Variants in DCC observed in about 807,000 individuals in gnomAD.
DCC encodes DCC netrin 1 receptor, also known as netrin receptor DCC.
DCC carries 58 observed loss-of-function variants against 172.5 expected under a neutral mutation model. The observed-to-expected ratio is 0.34, with a 90% CI of 0.27 to 0.42. The LOEUF is 0.42. Among genes scored for constraint, DCC ranks in the 10% least tolerant of loss-of-function variants. DCC has a pLI of 1.00. For missense variants in DCC, 1,740 were observed against 1,791.0 expected, an observed-to-expected ratio of 0.97 and a Z score of 0.51; for synonymous variants, 709 against 644.5, an observed-to-expected ratio of 1.10 and a Z score of -1.52.
At chr18:53,017,628 A>C (rs904075544) in intron 5 of DCC, among the ~76,000 whole-genome samples, 3 of 152,206 alleles carry the variant, frequency 2.0e-5, no homozygotes, top group East Asian at 3.9e-4. Context: ...ACAATGGTCC[A>C]TAAAGTTATG....
chr18:53,300,451 G>A (rs1461389322), intron 12 of DCC, among the ~76,000 whole-genome samples: 5 of 152,140 alleles, frequency 3.3e-5, no homozygotes, highest in Admixed American at 3.3e-4. Flanking sequence ...TGTTTAAAAT[G>A]ATCCCAGAGT....
intron 1 of DCC, among the ~76,000 whole-genome samples, chr18:52,568,834 T>C (rs2144754484): frequency 6.6e-6 from 1 of 152,316 alleles, no homozygotes. Context: ...TTTAAATGCC[T>C]AAGTTTAAAT....
At chr18:53,107,244 T>A (rs1482602150) in intron 7 of DCC, among the ~76,000 whole-genome samples, 2 of 151,694 alleles carry the variant, frequency 1.3e-5, no homozygotes, top group Non-Finnish European at 2.9e-5. Flanking sequence ...GAGATCAAAG[T>A]TGTGTCAAGA....
chr18:53,203,656 C>T (rs1308539431), intron 9 of DCC, among the ~76,000 whole-genome samples: 3 of 152,144 alleles, frequency 2.0e-5, no homozygotes, highest in East Asian at 1.9e-4. Flanking sequence ...AGTGTATCAA[C>T]AGATTCATGC....
At chr18:53,395,698 A>C (rs1269475238) in intron 17 of DCC, among the ~76,000 whole-genome samples, 1 of 152,162 alleles carries the variant, frequency 6.6e-6, no homozygotes, top group Non-Finnish European at 1.5e-5. Context: ...GCTGGAGTGC[A>C]ATGGCCTGAT....
intron 2 of DCC, among the ~76,000 whole-genome samples, chr18:52,884,647 A>G (rs2039543271): frequency 6.6e-6 from 1 of 152,122 alleles, no homozygotes; most frequent in South Asian, 2.1e-4. Flanking sequence ...ACTATTTTGA[A>G]TTCTCTGTCT....
intron 7 of DCC, among the ~76,000 whole-genome samples, chr18:53,093,656 T>A (rs1188946002): frequency 2.0e-5 from 3 of 152,226 alleles, no homozygotes; most frequent in Non-Finnish European, 4.4e-5. Flanking sequence ...TATCTTCTCA[T>A]CAATAGTGAA....
chr18:53,095,584 T>C (rs1395837444), intron 7 of DCC, among the ~76,000 whole-genome samples: 5 of 152,138 alleles, frequency 3.3e-5, no homozygotes, highest in African/African-American at 2.4e-5. Context: ...TCATGGCCCC[T>C]TCCTTATATT....
intron 2 of DCC, among the ~76,000 whole-genome samples, chr18:52,758,393 A>G (rs1414982544): frequency 1.3e-5 from 2 of 152,214 alleles, no homozygotes; most frequent in African/African-American, 4.8e-5. Context: ...TATTTCATTC[A>G]GGGACATATT....
chr18:53,181,526 T>C (rs1246287457), intron 9 of DCC, among the ~76,000 whole-genome samples: 1 of 151,656 alleles, frequency 6.6e-6, no homozygotes, highest in Non-Finnish European at 1.5e-5. Flanking sequence ...ATAAAAACTA[T>C]GATAAAATGA....
chr18:53,036,196 C>A (rs1193399868), intron 5 of DCC, among the ~76,000 whole-genome samples: 4 of 152,092 alleles, frequency 2.6e-5, no homozygotes, highest in South Asian at 2.1e-4. Flanking sequence ...TTCTAAAAAT[C>A]TTTTCCCAAG....
intron 15 of DCC, among the ~76,000 whole-genome samples, chr18:53,346,383 C>G (rs781315131): frequency 2.6e-5 from 4 of 152,030 alleles, no homozygotes; most frequent in Non-Finnish European, 4.4e-5. Flanking sequence ...CACTATTCAC[C>G]ACATTCCCTC....
In DCC at chr18:53,365,898, A is replaced by G. The variant is rs180682271; in HGVS notation, c.2360-20145A>G. On this transcript the variant is annotated intron_variant, in intron 15 of 28. Transcript: ENST00000442544. ...CAAAGCTCTAGTCATTACAGATTTTATGTTCTCGTTTACAGAGGAAGAGCT... is the reference window on the plus strand; with the variant it reads ...CAAAGCTCTAGTCATTACAGATTTTGTGTTCTCGTTTACAGAGGAAGAGCT... Among the ~76,000 whole-genome samples, 194 of 152,296 alleles carry G rather than the reference A, an allele frequency of 1.3e-3. 1 individual carries two copies. The highest frequency in any genetic ancestry group is 7.9e-3 in the South Asian group (38 of 4,832).
chr18:53,332,414 G>C (rs1452444252), intron 14 of DCC, among the ~76,000 whole-genome samples: 2 of 151,934 alleles, frequency 1.3e-5, no homozygotes, highest in African/African-American at 2.4e-5. Context: ...GTAAAAACTT[G>C]TGGTAGTAAC....
chr18:53,287,594 A>G (rs980922931), intron 12 of DCC, among the ~76,000 whole-genome samples: 1 of 152,162 alleles, frequency 6.6e-6, no homozygotes, highest in Non-Finnish European at 1.5e-5. Context: ...ATCAATTTAC[A>G]TTCCCACAAG....
intron 9 of DCC, among the ~76,000 whole-genome samples, chr18:53,195,291 G>A (rs1474634393): frequency 6.6e-6 from 1 of 152,156 alleles, no homozygotes; most frequent in Non-Finnish European, 1.5e-5. Context: ...TTGAAAATTA[G>A]AGTTCTGTGA....
intron 2 of DCC, among the ~76,000 whole-genome samples, chr18:52,845,158 A>G (rs548833518): frequency 3.9e-4 from 59 of 152,342 alleles, no homozygotes; most frequent in African/African-American, 1.4e-3. Flanking sequence ...GTTTAAAAGC[A>G]GCCCTTAGGA....
chr18:53,466,669 G>A (rs2045625216), intron 24 of DCC, among the ~76,000 whole-genome samples: 1 of 152,228 alleles, frequency 6.6e-6, no homozygotes, highest in South Asian at 2.1e-4. Flanking sequence ...GGAACTACAG[G>A]CAGCCACCAC....
chr18:53,222,264 C>A (rs2144593598), intron 12 of DCC, among the ~76,000 whole-genome samples: 1 of 152,156 alleles, frequency 6.6e-6, no homozygotes, highest in African/African-American at 2.4e-5. Flanking sequence ...GAATACTCTG[C>A]AAATTTGCAA....
Sources: allele counts gnomAD v4.1 joint callset (sites outside exome capture counted in the v4.1 genomes callset), GRCh38; gene constraint gnomAD v4.1.1; transcripts MANE v1.5; gene names NCBI Gene and HGNC (gene_info 2026-07-23, HGNC 2026-07-21).